Variants in SRP68 observed in about 807,000 individuals in gnomAD.
SRP68 encodes the protein signal recognition particle 68, also known as signal recognition particle subunit SRP68.
SRP68 carries 15 observed loss-of-function variants against 82.2 expected under a neutral mutation model. That is an observed-to-expected ratio of 0.18 (90% CI 0.12 to 0.28). SRP68 has a LOEUF of 0.28. Ranked by LOEUF, SRP68 falls within the 10% of genes least tolerant of loss-of-function variation. SRP68 has a pLI of 1.00. For missense variants in SRP68, 595 were observed against 780.5 expected (o/e 0.76, Z 2.83); for synonymous variants, 261 against 292.6 (o/e 0.89, Z 1.10).
intron 6 of SRP68, 146 bp downstream of exon 6, chr17:76,060,964 T>C: frequency 3.0e-6 from 2 of 666,426 alleles, no homozygotes; most frequent in Non-Finnish European, 5.3e-6. Context: ...ACAGTTCTGC[T>C]TTTGCCATCA....
intron 4 of SRP68, among the ~76,000 whole-genome samples, chr17:76,062,313 A>C (rs991124142): frequency 6.9e-6 from 1 of 145,456 alleles, no homozygotes; most frequent in Admixed American, 7.2e-5. Context: ...AAATTTAGCC[A>C]GGTGTGGTGG....
chr17:76,052,917 TAAAA>T (rs75770227), intron 8 of SRP68, among the ~76,000 whole-genome samples: 4 of 128,472 alleles, frequency 3.1e-5, no homozygotes, highest in East Asian at 2.2e-4. Flanking sequence ...TCCCAGAACT[TAAAA>T]AAAAAAAAAA....
chr17:76,052,378 T>C (rs543795398), intron 8 of SRP68, among the ~76,000 whole-genome samples: 22 of 152,138 alleles, frequency 1.4e-4, no homozygotes, highest in African/African-American at 5.1e-4. Context: ...CGCCATATAA[T>C]ACTCAGCAAC....
chr17:76,040,577 A>AGGAGCCAGCATGTGGG, intron 14 of SRP68, 103 bp from the exon 15 acceptor site: 1 of 1,150,164 alleles, frequency 8.7e-7, no homozygotes, highest in Non-Finnish European at 1.3e-6. Context: ...CAAAAGCAAA[A>AGGAGCCAGCATGTGGG]GGAGCCAGCA....
chr17:76,052,237 G>A (rs188140724), intron 8 of SRP68, among the ~76,000 whole-genome samples: 103 of 152,288 alleles, frequency 6.8e-4, no homozygotes, highest in African/African-American at 2.4e-3. Flanking sequence ...CTACTGCACT[G>A]GACAGTGCAG....
intron 6 of SRP68, 26 bp from the exon 7 acceptor site, chr17:76,060,416 T>C (rs2144514564): frequency 6.4e-7 from 1 of 1,574,168 alleles, no homozygotes; most frequent in East Asian, 2.2e-5. Context: ...AGGAAAATCT[T>C]CAAGGGTCTG....
intron 3 of SRP68, among the ~76,000 whole-genome samples, chr17:76,065,968 A>C (rs925624545): frequency 2.6e-5 from 4 of 151,458 alleles, no homozygotes; most frequent in South Asian, 2.1e-4. Flanking sequence ...AACAATACCT[A>C]TGTGAATGGG....
At chr17:76,062,452 A>T (rs1306020548) in intron 4 of SRP68, among the ~76,000 whole-genome samples, 8 of 132,998 alleles carry the variant, frequency 6.0e-5, no homozygotes, top group Non-Finnish European at 1.1e-4. Flanking sequence ...TCTTTCTAAA[A>T]AACAAACAAA....
chr17:76,052,999 C>T (rs1296580143), intron 8 of SRP68, among the ~76,000 whole-genome samples: 2 of 151,468 alleles, frequency 1.3e-5, no homozygotes, highest in African/African-American at 2.4e-5. Context: ...CGGTGGCTCA[C>T]GCCTGTAATC....
Position 76,039,455 on chromosome 17 carries a change from C to T in SRP68, c.*251G>A, listed in dbSNP as rs1290878847. 8 of 641,200 alleles carry T rather than the reference C, an allele frequency of 1.2e-5. No individual in the cohort carries two copies. Among genetic ancestry groups the T allele is most frequent in the East Asian group, 6.2e-5 (2 of 32,396 alleles). 39.7% of individuals were successfully genotyped at this position (641,200 alleles called of 1,614,324 possible). A position where few individuals can be genotyped will look rare whatever the true frequency, so the allele number is the denominator to read the frequency against. ...CAGCTCACAGGGCACCAGACAGCAG[C>T]GGCCCCTTTCCCAGGAGGTACAGGA... On this transcript the variant is annotated 3_prime_UTR_variant, in exon 16 of 16. Coordinates refer to ENST00000307877, the MANE Select transcript of SRP68 (RefSeq NM_014230.4).
At chr17:76,052,098 C>T (rs2066677124) in intron 8 of SRP68, among the ~76,000 whole-genome samples, 1 of 152,150 alleles carries the variant, frequency 6.6e-6, no homozygotes, top group Admixed American at 6.5e-5. Context: ...CCAGGCTGGT[C>T]TCGAACTCCT....
At chr17:76,057,659 A>T in intron 7 of SRP68, 116 bp from the exon 8 acceptor site, 1 of 1,150,542 alleles carries the variant, frequency 8.7e-7, no homozygotes, top group South Asian at 1.4e-5. Flanking sequence ...TACTCCATAG[A>T]AAGTAGAGTA....
chr17:76,070,699 G>A (rs879518939), intron 1 of SRP68, among the ~76,000 whole-genome samples: 11 of 151,898 alleles, frequency 7.2e-5, no homozygotes, highest in South Asian at 2.1e-4. Flanking sequence ...AAAATTAGCC[G>A]GGCGCAATGG....
intron 2 of SRP68, among the ~76,000 whole-genome samples, chr17:76,068,999 A>G (rs2066827938): frequency 7.0e-6 from 1 of 142,448 alleles, no homozygotes; most frequent in Admixed American, 6.9e-5. Context: ...TAAAATATAT[A>G]TATAAATAAA....
At chr17:76,061,921 T>A (rs1459943076) in intron 4 of SRP68, among the ~76,000 whole-genome samples, 1 of 151,716 alleles carries the variant, frequency 6.6e-6, no homozygotes, top group Non-Finnish European at 1.5e-5. Context: ...GGAGGGTTAC[T>A]TGAGCTCAAG....
At chr17:76,045,255 G>A (rs370504624) in intron 12 of SRP68, 37 bp downstream of exon 12, 2 of 1,527,196 alleles carry the variant, frequency 1.3e-6, no homozygotes, top group African/African-American at 2.7e-5. Context: ...TAGAACCTGG[G>A]AGGCGGAGGA....
chr17:76,058,345 T>G (rs1207721916), intron 7 of SRP68, among the ~76,000 whole-genome samples: 1 of 151,912 alleles, frequency 6.6e-6, no homozygotes, highest in Non-Finnish European at 1.5e-5. Context: ...GGTCTCGAAC[T>G]CCTGACCTCA....
intron 4 of SRP68, among the ~76,000 whole-genome samples, chr17:76,062,814 A>C (rs2144521601): frequency 7.8e-6 from 1 of 128,640 alleles, no homozygotes; most frequent in South Asian, 2.3e-4. Flanking sequence ...TCTGTCCCCC[A>C]GGCTGGAGCG....
intron 7 of SRP68, 98 bp downstream of exon 7, chr17:76,060,210 T>A: frequency 2.1e-6 from 1 of 479,580 alleles, no homozygotes. Flanking sequence ...CAGATATAAA[T>A]ATCCATATAT....
Sources: gnomAD v4.1 joint callset for allele counts (sites outside exome capture counted in the v4.1 genomes callset) on GRCh38, gnomAD v4.1.1 for gene constraint, MANE v1.5 for transcripts, NCBI Gene and HGNC (gene_info 2026-07-23, HGNC 2026-07-21) for gene names.